Variants in NACC2 observed in about 807,000 individuals in gnomAD.
NACC2 encodes NACC family member 2.
A neutral mutation model predicts 25.1 loss-of-function variants in NACC2; 8 were observed. That is an observed-to-expected ratio of 0.32 (90% CI 0.19 to 0.57). NACC2 has a LOEUF of 0.57. Ranked by LOEUF, NACC2 falls within the 20% of genes least tolerant of loss-of-function variation. NACC2 has a pLI of 0.89. For missense variants in NACC2, 644 were observed against 650.2 expected (o/e 0.99, Z 0.10); for synonymous variants, 435 against 294.7 (o/e 1.48, Z -4.88).
chr9:136,046,650 C>T (rs894154129), intron 2 of NACC2, among the ~76,000 whole-genome samples: 1 of 152,212 alleles, frequency 6.6e-6, no homozygotes, highest in Non-Finnish European at 1.5e-5. Flanking sequence ...TGCATGGCGC[C>T]TTCTCGCAGC....
intron 1 of NACC2, among the ~76,000 whole-genome samples, chr9:136,069,347 G>C (rs58590758): frequency 4.1e-5 from 6 of 145,786 alleles, no homozygotes; most frequent in Non-Finnish European, 7.4e-5. Flanking sequence ...TCAGGAGGTC[G>C]AGACCAGCCT....
Position 136,013,752 on chromosome 9 carries a change from T to C in NACC2, c.1157+112A>G, listed in dbSNP as rs1156806952. On this transcript the variant is annotated intron_variant, in intron 4 of 5. Coordinates refer to ENST00000277554, the MANE Select transcript of NACC2 (RefSeq NM_144653.5). This position sits in a 1 kb window ranked among gnomAD's most constrained non-coding sequence, Gnocchi z 6.6. The stretch of plus-strand genomic sequence containing the variant: ...GACCGGCCACGGCTGAAGTCAGGAA[T>C]GCGAGAGGGCTTTCAATGCCACAAC... 1 of 928,572 alleles carries C rather than the reference T, an allele frequency of 1.1e-6. No homozygotes were observed. Among genetic ancestry groups the C allele is most frequent in the Non-Finnish European group, 1.6e-6 (1 of 621,026 alleles). 57.5% of individuals were successfully genotyped at this position (928,572 alleles called of 1,614,324 possible). A position where few individuals can be genotyped will look rare whatever the true frequency, so the allele number is the denominator to read the frequency against.
chr9:136,083,840 G>A lies in NACC2; in HGVS notation c.-60+11349C>T, dbSNP rs184404818. ...CTCGACCGCTGCTGAGGGGACCCCC[G>A]GCCTGGCTGGGTTGAGGGCAGATCT... On this transcript the variant is annotated intron_variant, in intron 1 of 5. Coordinates refer to ENST00000277554, the MANE Select transcript of NACC2 (RefSeq NM_144653.5). Among the ~76,000 whole-genome samples, 714 of 152,288 alleles carry A rather than the reference G, an allele frequency of 4.7e-3. 22 individuals are homozygous for A. The highest frequency in any genetic ancestry group is 1.5e-3 in the South Asian group (7 of 4,824).
intron 1 of NACC2, among the ~76,000 whole-genome samples, chr9:136,054,320 G>T (rs1840892015): frequency 6.6e-6 from 1 of 152,186 alleles, no homozygotes; most frequent in Non-Finnish European, 1.5e-5. Context: ...GGGCCGTGTG[G>T]TCCCTGGGGA....
At position 136,013,166 on chromosome 9, in the gene NACC2, C is replaced by CCCCCCCCA; in HGVS notation, c.1255+32_1255+33insTGGGGGGG. ...GGCTGGGATCTGAACCCAGCCCCGGCCCCACCCACCCGAGAGACCCCCAGG... is the reference window on the plus strand; with the variant it reads ...GGCTGGGATCTGAACCCAGCCCCGGCCCCCCCCACCCACCCACCCGAGAGACCCCCAGG... On this transcript the variant is annotated intron_variant, in intron 5 of 5. Coordinates refer to ENST00000277554, the MANE Select transcript of NACC2 (RefSeq NM_144653.5). This position sits in a 1 kb window ranked among gnomAD's most constrained non-coding sequence, Gnocchi z 6.6. 1.7e-6 allele frequency: 1 copy of CCCCCCCCA among 575,880 alleles called. No homozygotes were observed. The allele number at this position is 575,880 out of a possible 1,614,324, so 35.7% of individuals were successfully genotyped here. A position where few individuals can be genotyped will look rare whatever the true frequency, so the allele number is the denominator to read the frequency against.
intron 1 of NACC2, among the ~76,000 whole-genome samples, chr9:136,066,947 TAAAA>T (rs57371679): frequency 2.1e-5 from 3 of 140,098 alleles, no homozygotes; most frequent in Non-Finnish European, 4.7e-5. Flanking sequence ...TTAAAAAGAT[TAAAA>T]AAAAAAAAAA....
In NACC2 at chr9:136,026,156, A is replaced by G. The variant is rs139236528; in HGVS notation, c.887-9727T>C. 2.8e-3 allele frequency among the ~76,000 whole-genome samples: 418 copies of G among 151,814 alleles called. 1 individual carries two copies. The highest frequency in any genetic ancestry group is 9.5e-3 in the African/African-American group (395 of 41,402). ...GGAGTTCGAGACCAGCTTGGCTAAC[A>G]TGGCAAAACTCCGTCTCTACTAAAA... On this transcript the variant is annotated intron_variant, in intron 2 of 5. Transcript: ENST00000277554.
At chr9:136,014,399 G>A (rs1840166732) in intron 3 of NACC2, among the ~76,000 whole-genome samples, 1 of 152,084 alleles carries the variant, frequency 6.6e-6, no homozygotes, top group Non-Finnish European at 1.5e-5. Context: ...CGACCTCCCG[G>A]GCTCCAGTGA....
chr9:136,013,330 G>A lies in NACC2; in HGVS notation c.1158-34C>T, dbSNP rs1488300343. 2.0e-5 allele frequency: 32 copies of A among 1,588,012 alleles called. No individual in the cohort carries two copies. The highest frequency in any genetic ancestry group is 2.7e-5 in the Non-Finnish European group (31 of 1,160,226). ...GGGACCGGAAAGGCAGGCAGGGTGA[G>A]GATGATGGGGAGGGTACCTGGAGGC... On this transcript the variant is annotated intron_variant, in intron 4 of 5. Transcript: ENST00000277554. The surrounding 1 kb of genome is among the most constrained non-coding windows in gnomAD (Gnocchi z 6.6).
intron 2 of NACC2, among the ~76,000 whole-genome samples, chr9:136,034,933 A>G (rs1356694273): frequency 6.6e-6 from 1 of 152,138 alleles, no homozygotes; most frequent in Non-Finnish European, 1.5e-5. Context: ...ATCTCTACAA[A>G]AAATACAAAA....
At chr9:136,035,581 C>T (rs796163838) in intron 2 of NACC2, among the ~76,000 whole-genome samples, 19,683 of 152,198 alleles carry the variant, frequency 0.13, 1,778 homozygotes, top group East Asian at 0.35. Context: ...AAAACCACTG[C>T]TCTAAAGAAC....
chr9:136,025,664 G>A (rs1045765588), intron 2 of NACC2, among the ~76,000 whole-genome samples: 9 of 150,080 alleles, frequency 6.0e-5, no homozygotes, highest in Non-Finnish European at 8.9e-5. Context: ...CTGTAATCCC[G>A]GCACTCTGGG....
chr9:136,023,364 G>C (rs1056587450), intron 2 of NACC2, among the ~76,000 whole-genome samples: 1 of 152,024 alleles, frequency 6.6e-6, no homozygotes, highest in African/African-American at 2.4e-5. Context: ...TCAGCTCTCG[G>C]AGAACGTGGG....
intron 1 of NACC2, among the ~76,000 whole-genome samples, chr9:136,072,781 C>A (rs1588580127): frequency 6.6e-6 from 1 of 151,980 alleles, no homozygotes; most frequent in Admixed American, 6.6e-5. Context: ...ACTCAGGAGG[C>A]GGAGGCTGTG....
Position 136,054,419 on chromosome 9 carries a change from G to A in NACC2, c.-59-3839C>T, listed in dbSNP as rs1041537617. On this transcript the variant is annotated intron_variant, in intron 1 of 5. Coordinates refer to ENST00000277554, the MANE Select transcript of NACC2 (RefSeq NM_144653.5). ...CCCACGCCCCAGCCTGCTGAGAGCCGGACAGGAGCTGGTTTTAGGTTGCTT... is the reference window on the plus strand; with the variant it reads ...CCCACGCCCCAGCCTGCTGAGAGCCAGACAGGAGCTGGTTTTAGGTTGCTT... Among the ~76,000 whole-genome samples, 5 of 152,324 alleles carry A rather than the reference G, an allele frequency of 3.3e-5. No individual in the cohort carries two copies. The East Asian group carries it at 7.7e-4, about 23-fold the overall frequency.
At chr9:136,062,179 G>GA (rs1841022797) in intron 1 of NACC2, among the ~76,000 whole-genome samples, 1 of 151,606 alleles carries the variant, frequency 6.6e-6, no homozygotes, top group Admixed American at 6.6e-5. Flanking sequence ...GGACAGGAAA[G>GA]GAAAGAGAGA....
rs1840135445 is a variant in NACC2 at position 136,013,005 on chromosome 9, G to A, written c.1255+194C>T. On this transcript the variant is annotated intron_variant, in intron 5 of 5. Coordinates refer to ENST00000277554, the MANE Select transcript of NACC2 (RefSeq NM_144653.5). This position sits in a 1 kb window ranked among gnomAD's most constrained non-coding sequence, Gnocchi z 6.6. ...TCACACTTGGAAACCTACCAAGAAC[G>A]TTAACACCTCGAGACCTGGCTTCTG... 6.6e-6 allele frequency among the ~76,000 whole-genome samples: 1 copy of A among 152,344 alleles called. No homozygotes were observed. Among genetic ancestry groups the A allele is most frequent in the Non-Finnish European group, 1.5e-5 (1 of 68,028 alleles).
rs1554741080 is a variant in NACC2 at position 136,062,172 on chromosome 9, C to CAGGACAGGAA, written c.-59-11593_-59-11592insTTCCTGTCCT. Among the ~76,000 whole-genome samples the CAGGACAGGAA allele has an allele frequency of 6.2e-3, 610 of 97,732 alleles. 8 individuals are homozygous for CAGGACAGGAA. The highest frequency in any genetic ancestry group is 0.04 in the Admixed American group (344 of 8,704). The allele number at this position is 97,732 out of a possible 152,430, so 64.1% of individuals were successfully genotyped here. A position where few individuals can be genotyped will look rare whatever the true frequency, so the allele number is the denominator to read the frequency against. On this transcript the variant is annotated intron_variant, in intron 1 of 5. Transcript: ENST00000277554. ...CAGGACAGGACAGGACAGGACAGGA[C>CAGGACAGGAA]AGGAAAGGAAAGAGAGAGAAAAGAA...
At chr9:136,021,567 A>C (rs1840294623) in intron 2 of NACC2, among the ~76,000 whole-genome samples, 2 of 152,224 alleles carry the variant, frequency 1.3e-5, no homozygotes, top group African/African-American at 4.8e-5. Flanking sequence ...TGTCAAGTTC[A>C]ACATACACTT....
Sources: allele counts gnomAD v4.1 joint callset (sites outside exome capture counted in the v4.1 genomes callset), GRCh38; gene constraint gnomAD v4.1.1; non-coding constraint Gnocchi (gnomAD v3.1); transcripts MANE v1.5; gene names NCBI Gene and HGNC (gene_info 2026-07-23, HGNC 2026-07-21).